The following PAX3 variants were observed in gnomAD, a reference collection of about 807,000 sequenced individuals.
The protein encoded by PAX3 is paired box 3, also known as paired box protein Pax-3.
Under a neutral mutation model 51.6 loss-of-function variants are expected in PAX3, and 14 were observed. That is an observed-to-expected ratio of 0.27 (90% CI 0.18 to 0.42). The LOEUF is 0.42. Among genes scored for constraint, PAX3 ranks in the 10% least tolerant of loss-of-function variants. The pLI, the probability that PAX3 is intolerant of heterozygous loss-of-function variation, is 1.00. For synonymous variants in PAX3, 280 were observed against 253.4 expected (o/e 1.11, Z -1.00); for missense variants, 540 against 642.8 (o/e 0.84, Z 1.73).
intron 5 of PAX3, among the ~76,000 whole-genome samples, chr2:222,224,280 G>A (rs959688893): frequency 6.6e-6 from 1 of 152,146 alleles, no homozygotes; most frequent in Non-Finnish European, 1.5e-5. Flanking sequence ...TTCAGCAAGA[G>A]GTTCAAGAGA....
chr2:222,218,325 A>C (rs1425401209), intron 7 of PAX3, among the ~76,000 whole-genome samples: 1 of 152,214 alleles, frequency 6.6e-6, no homozygotes, highest in African/African-American at 2.4e-5. Flanking sequence ...TATATAATAC[A>C]AAAGAATACA....
At chr2:222,294,410 C>A in intron 3 of PAX3, 109 bp from the exon 4 acceptor site, 1 of 1,143,268 alleles carries the variant, frequency 8.7e-7, no homozygotes, top group South Asian at 1.3e-5. Flanking sequence ...CCTAGAGCCG[C>A]TGCCCTGCAC....
At position 222,245,922 on chromosome 2, in the gene PAX3, A is replaced by G. The variant is rs151289477; in HGVS notation, c.587-13639T>C. Among the ~76,000 whole-genome samples, 1,268 of 152,248 alleles carry G rather than the reference A, an allele frequency of 8.3e-3. 5 individuals are homozygous for G. Among genetic ancestry groups the G allele is most frequent in the Middle Eastern group, 0.034 (10 of 294 alleles). ...TTTGCACTCTGGAGGCAGAGGTTGC[A>G]GTGAGTTGAAATCATGCCACTGCAT... On this transcript the variant is annotated intron_variant, in intron 4 of 8. Coordinates refer to ENST00000392070, the MANE Select transcript of PAX3 (RefSeq NM_181458.4).
chr2:222,226,246 A>T (rs1415311175), intron 5 of PAX3, among the ~76,000 whole-genome samples: 1 of 152,236 alleles, frequency 6.6e-6, no homozygotes, highest in East Asian at 1.9e-4. Context: ...CAAGTACAGT[A>T]CTTTCCAAGT....
chr2:222,265,840 G>A (rs932034307), intron 4 of PAX3, among the ~76,000 whole-genome samples: 2 of 152,206 alleles, frequency 1.3e-5, no homozygotes, highest in Non-Finnish European at 2.9e-5. Flanking sequence ...CTGACAGAAC[G>A]GCTAGAATTC....
intron 4 of PAX3, among the ~76,000 whole-genome samples, chr2:222,265,731 G>T (rs1694035482): frequency 6.9e-6 from 1 of 145,956 alleles, no homozygotes; most frequent in Non-Finnish European, 1.5e-5. Context: ...ACCTTTTCAG[G>T]ACACTGAGAG....
intron 4 of PAX3, among the ~76,000 whole-genome samples, chr2:222,274,348 A>T (rs1694347849): frequency 6.6e-6 from 1 of 151,928 alleles, no homozygotes; most frequent in Non-Finnish European, 1.5e-5. Context: ...TATTTATATT[A>T]ATATTAAAAT....
intron 4 of PAX3, among the ~76,000 whole-genome samples, chr2:222,258,122 C>T (rs7592675): frequency 0.11 from 17,473 of 152,096 alleles, 1,265 homozygotes; most frequent in East Asian, 0.33. Context: ...TGGAAACAAG[C>T]AAAAATAAAA....
chr2:222,268,238 T>G (rs1032111229), intron 4 of PAX3, among the ~76,000 whole-genome samples: 1 of 152,200 alleles, frequency 6.6e-6, no homozygotes, highest in African/African-American at 2.4e-5. Flanking sequence ...TCTGCAGACA[T>G]GTATGTGCGT....
chr2:222,232,425 C>G, intron 4 of PAX3, 142 bp from the exon 5 acceptor site: 1 of 713,466 alleles, frequency 1.4e-6, no homozygotes, highest in Non-Finnish European at 2.3e-6. Flanking sequence ...GATCAAAAAA[C>G]AAGTCTAACC....
chr2:222,215,581 C>G (rs1175842835), intron 7 of PAX3, among the ~76,000 whole-genome samples: 3 of 151,930 alleles, frequency 2.0e-5, no homozygotes, highest in Admixed American at 2.0e-4. Context: ...GGTAGGGGAA[C>G]AGTCAGGGTA....
At chr2:222,246,447 T>C (rs1693231377) in intron 4 of PAX3, among the ~76,000 whole-genome samples, 2 of 152,232 alleles carry the variant, frequency 1.3e-5, no homozygotes. Context: ...TGCGTTTTTG[T>C]TTTCATACTA....
intron 4 of PAX3, chr2:222,264,755 CTTT>C (rs1345975819): frequency 6.6e-6 from 1 of 152,198 alleles, no homozygotes; most frequent in Non-Finnish European, 1.5e-5. Context: ...AGGCTCTGTT[CTTT>C]CCCAAAATGC....
chr2:222,289,691 C>A (rs887784821), intron 4 of PAX3, among the ~76,000 whole-genome samples: 1 of 152,170 alleles, frequency 6.6e-6, no homozygotes. Flanking sequence ...CCAAACCAAA[C>A]AAGCGAAAAA....
chr2:222,283,891 G>T (rs996315074), intron 4 of PAX3, among the ~76,000 whole-genome samples: 1 of 152,224 alleles, frequency 6.6e-6, no homozygotes, highest in Non-Finnish European at 1.5e-5. Context: ...GCCAAGCTGC[G>T]CCAGAGGGAG....
intron 4 of PAX3, among the ~76,000 whole-genome samples, chr2:222,288,292 T>A (rs1694907649): frequency 6.6e-6 from 1 of 152,226 alleles, no homozygotes; most frequent in Non-Finnish European, 1.5e-5. Flanking sequence ...GACAAACATA[T>A]CTTCATTTTG....
At chr2:222,207,142 T>C (rs1691542826) in intron 7 of PAX3, among the ~76,000 whole-genome samples, 1 of 152,180 alleles carries the variant, frequency 6.6e-6, no homozygotes, top group African/African-American at 2.4e-5. Context: ...TGTTCAAATG[T>C]TTATCCAAAT....
intron 4 of PAX3, among the ~76,000 whole-genome samples, chr2:222,278,947 T>A (rs1694529964): frequency 6.6e-6 from 1 of 152,162 alleles, no homozygotes; most frequent in South Asian, 2.1e-4. Flanking sequence ...TTGTTGTTGT[T>A]GTTGCTTGTC....
In PAX3 at chr2:222,201,900, C is replaced by G. The variant is rs780657657; in HGVS notation, c.1420+44G>C. On this transcript the variant is annotated intron_variant, in intron 8 of 8. Coordinates refer to ENST00000392070, the MANE Select transcript of PAX3 (RefSeq NM_181458.4). ...TTTCTTAAGGAAGAGTTGAGTTTATCTCCCTTCCAGGAGAAATTGCCCCCT... is the reference window on the plus strand; with the variant it reads ...TTTCTTAAGGAAGAGTTGAGTTTATGTCCCTTCCAGGAGAAATTGCCCCCT... The G allele has an allele frequency of 3.1e-6, 5 of 1,613,606 alleles. No homozygotes were observed. In the South Asian group the frequency reaches 5.5e-5, roughly 18 times the overall value.
Sources: gnomAD v4.1 joint callset for allele counts (sites outside exome capture counted in the v4.1 genomes callset) on GRCh38, gnomAD v4.1.1 for gene constraint, MANE v1.5 for transcripts, NCBI Gene and HGNC (gene_info 2026-07-23, HGNC 2026-07-21) for gene names.